The following SMG1 variants were observed in gnomAD, a reference collection of about 807,000 sequenced individuals.
SMG1 encodes SMG1 nonsense mediated mRNA decay associated PI3K related kinase.
Under a neutral mutation model 419.9 loss-of-function variants are expected in SMG1, and 22 were observed. The observed-to-expected ratio is 0.05, with a 90% CI of 0.04 to 0.07. The LOEUF (loss-of-function observed/expected upper bound fraction) is 0.07, where lower values mean the gene tolerates loss of function less well. Among genes scored for constraint, SMG1 ranks in the 10% least tolerant of loss-of-function variants. The pLI, the probability that SMG1 is intolerant of heterozygous loss-of-function variation, is 1.00. For synonymous variants in SMG1, 1,538 were observed against 1,553.5 expected (o/e 0.99, Z 0.23); for missense variants, 3,185 against 4,342.0 (o/e 0.73, Z 7.49).
chr16:18,854,581 C>T, intron 30 of SMG1, 75 bp downstream of exon 30: 1 of 1,366,168 alleles, frequency 7.3e-7, no homozygotes, highest in Non-Finnish European at 9.9e-7. Flanking sequence ...CTACCTTATA[C>T]CATACATACA....
chr16:18,868,874 G>A (rs1433482499), intron 20 of SMG1, among the ~76,000 whole-genome samples, 155 bp from the exon 21 acceptor site: 3 of 151,910 alleles, frequency 2.0e-5, no homozygotes, highest in African/African-American at 4.8e-5. Context: ...TTTCATTTTA[G>A]GGGAAAGAAA....
Position 18,835,081 on chromosome 16 carries a change from G to A in SMG1, c.8141C>T (p.Ala2714Val). The stretch of plus-strand genomic sequence containing the variant: ...AATAAGTCTGCTGTTGATGTCTGCT[G>A]CGTATCGCTGCAGGGTCATTTCAGT... ...TATEMTLQRY[A>V]ADINSRLIRQ... Residue 2714 changes from alanine (A) to valine (V), a missense_variant, in exon 49 of 63, where the codon GCA (alanine) becomes GTA (valine). Around this residue, in one of 27 missense-constraint regions of SMG1, gnomAD observed 412 missense variants for 546.6 expected, o/e 0.75. Transcript: ENST00000446231. 6.2e-7 allele frequency: 1 copy of A among 1,613,986 alleles called. No individual in the cohort carries two copies. The highest frequency in any genetic ancestry group is 8.5e-7 in the Non-Finnish European group (1 of 1,179,894).
chr16:18,814,334 T>C (rs1026270699), intron 60 of SMG1, among the ~76,000 whole-genome samples: 3 of 150,968 alleles, frequency 2.0e-5, no homozygotes, highest in Non-Finnish European at 3.0e-5. Context: ...TTCTCTGATA[T>C]ATATATATAT....
chr16:18,868,109 T>C (rs2035621425), intron 22 of SMG1, 81 bp downstream of exon 22: 7 of 1,078,390 alleles, frequency 6.5e-6, no homozygotes, highest in Non-Finnish European at 9.5e-6. Context: ...ATTTTATCCA[T>C]AGATTAAATC....
In SMG1 at chr16:18,884,134, G is replaced by A; in HGVS notation, c.1055C>T (p.Ala352Val). The A allele has an allele frequency of 6.2e-7, 1 of 1,604,646 alleles. No homozygotes were observed. Among genetic ancestry groups the A allele is most frequent in the Non-Finnish European group, 8.5e-7 (1 of 1,174,062 alleles). ...WLQSLEPFWV[A>V]DLAFSTTLLG... is the part of the protein sequence containing the mutation. ...AAGAGTAGTAGAAAATGCAAGATCA[G>A]CTACCCAAAATGGCTCCAAACTCTG... Residue 352 changes from alanine to valine, a missense_variant, in exon 9 of 63, where the codon GCT (alanine) becomes GTT (valine). Physicochemically the swap from Ala to Val is moderately conservative, Grantham distance 64. This residue lies in a region of SMG1 where 27 missense variants were observed against 59.4 expected (regional missense o/e 0.45). Transcript: ENST00000446231.
At chr16:18,833,544 A>G (rs372362082) in intron 50 of SMG1, among the ~76,000 whole-genome samples, 3 of 149,164 alleles carry the variant, frequency 2.0e-5, no homozygotes, top group Admixed American at 6.8e-5. Flanking sequence ...TGGTTTGGTT[A>G]TAAGTGGCTT....
rs768965816 is a variant in SMG1, at chr16:18,817,420, T to C, written c.9945A>G (p.Arg3315=). 5.0e-6 allele frequency: 8 copies of C among 1,598,484 alleles called. No individual in the cohort carries two copies. The highest frequency in any genetic ancestry group is 3.4e-5 in the South Asian group (3 of 88,776). Reference sequence around the variant, plus strand: ...CATCCAGGTTTAAGGCTTCTGCAGTTCTTGTTCGTAAACTTTCAAAATGAA... The same window carrying C: ...CATCCAGGTTTAAGGCTTCTGCAGTCCTTGTTCGTAAACTTTCAAAATGAA... The part of the protein sequence containing the change: ...NIIHFESLRT[R]TAEALNLDAA... Residue 3315 remains arginine, a synonymous_variant, in exon 57 of 63, where the codon AGA becomes AGG. Transcript: ENST00000446231.
intron 39 of SMG1, among the ~76,000 whole-genome samples, chr16:18,844,761 A>G (rs1391735492): frequency 2.0e-5 from 3 of 152,040 alleles, no homozygotes; most frequent in African/African-American, 7.2e-5. Flanking sequence ...TTCAGTAAGG[A>G]AATCAGTTAG....
At chr16:18,919,634 A>AGTGTG (rs1555507747) in intron 1 of SMG1, among the ~76,000 whole-genome samples, 25 of 124,664 alleles carry the variant, frequency 2.0e-4, no homozygotes, top group Non-Finnish European at 4.2e-4. Flanking sequence ...AAAAAAAAAA[A>AGTGTG]TGTGTGTGTG....
At chr16:18,903,328 C>T (rs2037421599) in intron 1 of SMG1, among the ~76,000 whole-genome samples, 1 of 152,180 alleles carries the variant, frequency 6.6e-6, no homozygotes, top group African/African-American at 2.4e-5. Context: ...TAATTGTCTT[C>T]AGAGAAAAGC....
rs765194985 is a variant in SMG1 at position 18,860,657 on chromosome 16, T to C, written c.3805+10A>G. On this transcript the variant is annotated intron_variant, in intron 26 of 62. Transcript: ENST00000446231. ...CACTAAAATAACTTTAAAACTATTT[T>C]CTCAAATACCTATTTTTTCTTTTGA... is the stretch of plus-strand genomic sequence containing the variant. The C allele has an allele frequency of 4.6e-6, 6 of 1,303,914 alleles. No homozygotes were observed. The highest frequency in any genetic ancestry group is 2.5e-5 in the South Asian group (2 of 79,954). 80.8% of individuals were successfully genotyped at this position (1,303,914 alleles called of 1,614,324 possible). A position where few individuals can be genotyped will look rare whatever the true frequency, so the allele number is the denominator to read the frequency against.
At chr16:18,918,860 T>C (rs1431846011) in intron 1 of SMG1, among the ~76,000 whole-genome samples, 2 of 151,734 alleles carry the variant, frequency 1.3e-5, no homozygotes, top group South Asian at 2.1e-4. Context: ...ATCATGCCAC[T>C]GCACTCCAGC....
In SMG1 at chr16:18,835,993, G is replaced by T; in HGVS notation, c.7997C>A (p.Thr2666Asn). The T allele has an allele frequency of 6.4e-7, 1 of 1,556,542 alleles. No homozygotes were observed. Among genetic ancestry groups the T allele is most frequent in the African/African-American group, 1.4e-5 (1 of 73,422 alleles). ...FQKHRIEQWK[T>N]WMEELICNTT... Reference sequence around the variant, plus strand: ...GTTACAGATGAGCTCTTCCATCCAGGTCTTCCACTGTTCAATTCGATGTTT... The same window carrying T: ...GTTACAGATGAGCTCTTCCATCCAGTTCTTCCACTGTTCAATTCGATGTTT... Residue 2666 changes from threonine (T) to asparagine (N), a missense_variant, in exon 48 of 63, where the codon ACC becomes AAC. By Grantham distance (65) the Thr-to-Asn change is moderately conservative. This residue lies in a region of SMG1 where 412 missense variants were observed against 546.6 expected (regional missense o/e 0.75). Coordinates refer to ENST00000446231, the MANE Select transcript of SMG1 (RefSeq NM_015092.5).
chr16:18,812,969 T>G (rs2031615881), intron 60 of SMG1, among the ~76,000 whole-genome samples: 1 of 152,154 alleles, frequency 6.6e-6, no homozygotes, highest in Non-Finnish European at 1.5e-5. Context: ...GGTTTCCAGC[T>G]TCATCCATGT....
chr16:18,910,378 G>GCAC (rs955358932), intron 1 of SMG1, among the ~76,000 whole-genome samples: 1 of 151,468 alleles, frequency 6.6e-6, no homozygotes, highest in African/African-American at 2.4e-5. Context: ...TTACAGGCAT[G>GCAC]CACCACCATG....
chr16:18,919,657 T>TACACATAC (rs2038115120), intron 1 of SMG1, among the ~76,000 whole-genome samples: 1 of 125,748 alleles, frequency 8.0e-6, no homozygotes, highest in Non-Finnish European at 1.6e-5. Flanking sequence ...TGTGTATATA[T>TACACATAC]ACACACACAC....
rs753822642 is a variant in SMG1, at chr16:18,829,529, T to G, written c.9360A>C (p.Gln3120His). The stretch of plus-strand genomic sequence containing the variant: ...CGGCACCAAAGTCCTTTGCCTCTAC[T>G]TGAGCAATGATGTCTACACCCAGAG... ...ISALGVDIIA[Q>H]VEAKDFGAES... Residue 3120 changes from glutamine to histidine, a missense_variant, in exon 54 of 63, where the codon CAA (glutamine) becomes CAC (histidine). Around this residue, in one of 27 missense-constraint regions of SMG1, gnomAD observed 737 missense variants for 846.6 expected, o/e 0.87. Transcript: ENST00000446231. The G allele has an allele frequency of 6.2e-7, 1 of 1,613,888 alleles. No individual in the cohort carries two copies. The highest frequency in any genetic ancestry group is 1.3e-5 in the African/African-American group (1 of 74,912).
chr16:18,832,250 A>G (rs1001004252), intron 51 of SMG1, among the ~76,000 whole-genome samples: 1 of 152,230 alleles, frequency 6.6e-6, no homozygotes, highest in African/African-American at 2.4e-5. Flanking sequence ...CACTAGGCAC[A>G]AAGAAGCTTA....
chr16:18,861,838 C>A (rs1334409087), intron 25 of SMG1, among the ~76,000 whole-genome samples: 3 of 152,150 alleles, frequency 2.0e-5, no homozygotes, highest in Non-Finnish European at 4.4e-5. Flanking sequence ...TACCCCTACC[C>A]CCAATCCACC....
Sources: allele counts gnomAD v4.1 joint callset (sites outside exome capture counted in the v4.1 genomes callset), GRCh38; gene constraint gnomAD v4.1.1; regional missense constraint gnomAD v4.1.1; transcripts MANE v1.5; gene names NCBI Gene and HGNC (gene_info 2026-07-23, HGNC 2026-07-21).